The following LAMP2 variants were observed in gnomAD, a reference collection of about 807,000 sequenced individuals.
LAMP2 encodes the protein lysosome-associated membrane glycoprotein 2.
Under a neutral mutation model 25.6 loss-of-function variants are expected in LAMP2, and 4 were observed. The observed-to-expected ratio is 0.16, with a 90% CI of 0.08 to 0.36. The LOEUF is 0.36. Among genes scored for constraint, LAMP2 ranks in the 10% least tolerant of loss-of-function variants. The pLI, the probability that LAMP2 is intolerant of heterozygous loss-of-function variation, is 1.00. For missense variants in LAMP2, 272 were observed against 301.4 expected (o/e 0.90, Z 0.72); for synonymous variants, 108 against 112.7 (o/e 0.96, Z 0.27).
Position 120,437,302 on chromosome X carries a change from C to CATAT in LAMP2, c.1093+4424_1093+4427dup, listed in dbSNP as rs113932840. 4.8e-4 allele frequency: 327 copies of CATAT among 686,298 alleles called. No homozygotes were observed. The East Asian group carries it at 0.014, about 29-fold the overall frequency. The allele number at this position is 686,298 out of a possible 1,213,427, so 56.6% of individuals were successfully genotyped here. The stretch of plus-strand genomic sequence containing the variant: ...GCATGCAACTGCCTATATATGTGTG[C>CATAT]ATATATATATATATGTCTGTGTGTG... On this transcript the variant is annotated intron_variant, in intron 8 of 8. Coordinates refer to ENST00000200639, the MANE Select transcript of LAMP2 (RefSeq NM_002294.3).
chrX:120,434,149 T>C (rs1331257914), intron 8 of LAMP2, among the ~76,000 whole-genome samples: 1 of 112,171 alleles, frequency 8.9e-6, no homozygotes, highest in Admixed American at 9.5e-5. Context: ...TAAAGTATTA[T>C]GCCGTGGGTT....
At chrX:120,456,377 C>T (rs1220820114) in intron 2 of LAMP2, among the ~76,000 whole-genome samples, 1 of 111,160 alleles carries the variant, frequency 9.0e-6, no homozygotes, top group Non-Finnish European at 1.9e-5. Flanking sequence ...AAACACTTTA[C>T]AGAAATACTT....
At chrX:120,443,420 A>G (rs2058582397) in intron 6 of LAMP2, among the ~76,000 whole-genome samples, 1 of 112,198 alleles carries the variant, frequency 8.9e-6, no homozygotes, top group African/African-American at 3.2e-5. Flanking sequence ...GCACTTACTA[A>G]GTGCCCAGCA....
intron 8 of LAMP2, chrX:120,439,322 T>TA (rs2058561181): frequency 8.7e-7 from 1 of 1,152,058 alleles, no homozygotes; most frequent in South Asian, 1.8e-5. Context: ...GTGTAATAAA[T>TA]AATGAGTATA....
intron 1 of LAMP2, among the ~76,000 whole-genome samples, chrX:120,467,659 T>C (rs1239242210): frequency 2.7e-5 from 3 of 112,267 alleles, no homozygotes; most frequent in Non-Finnish European, 5.6e-5. Flanking sequence ...AAGAGACACT[T>C]TAGTCAAAGT....
chrX:120,450,031 G>A (rs1252443056), intron 3 of LAMP2, among the ~76,000 whole-genome samples: 1 of 111,447 alleles, frequency 9.0e-6, no homozygotes, highest in African/African-American at 3.3e-5. Flanking sequence ...CAAGAGAGAT[G>A]GATTAATCAT....
chrX:120,454,956 C>T (rs868784831), intron 3 of LAMP2, among the ~76,000 whole-genome samples: 2 of 67,831 alleles, frequency 2.9e-5, no homozygotes, highest in African/African-American at 1.1e-4. Flanking sequence ...TATATATACA[C>T]ACACACTAGG....
chrX:120,436,612 T>C (rs1387395746), intron 8 of LAMP2: 2 of 741,737 alleles, frequency 2.7e-6, no homozygotes, highest in Non-Finnish European at 3.2e-6. Context: ...AGAAAAAACA[T>C]GGAAAGTATT....
chrX:120,447,019 C>T (rs996680705), intron 5 of LAMP2, among the ~76,000 whole-genome samples: 2 of 112,344 alleles, frequency 1.8e-5, no homozygotes, highest in Admixed American at 9.4e-5. Context: ...TTTCTGCCGG[C>T]CAACACAACA....
chrX:120,430,118 A>C lies in LAMP2; in HGVS notation c.*1205T>G, dbSNP rs2058516845. ...TAATCAGGAAGTTATAGAGACTCTGATCATGCCCCTATATACATACAATGG... is the reference window on the plus strand; with the variant it reads ...TAATCAGGAAGTTATAGAGACTCTGCTCATGCCCCTATATACATACAATGG... On this transcript the variant is annotated 3_prime_UTR_variant, in exon 9 of 9. Coordinates refer to ENST00000200639, the MANE Select transcript of LAMP2 (RefSeq NM_002294.3). 13 of 751,008 alleles carry C rather than the reference A, an allele frequency of 1.7e-5. No homozygotes were observed. The highest frequency in any genetic ancestry group is 2.0e-5 in the Non-Finnish European group (13 of 637,151). 61.9% of individuals were successfully genotyped at this position (751,008 alleles called of 1,213,427 possible).
At chrX:120,469,084 T>C (rs756319325) in intron 1 of LAMP2, 22 bp downstream of exon 1, 2 of 1,205,816 alleles carry the variant, frequency 1.7e-6, no homozygotes, top group African/African-American at 3.5e-5. Flanking sequence ...GACAGACTAA[T>C]CGGGAGGGCC....
At chrX:120,436,169 C>CTCTCTCTCTCTCTG (rs1182470896) in intron 8 of LAMP2, among the ~76,000 whole-genome samples, 3 of 100,925 alleles carry the variant, frequency 3.0e-5, no homozygotes, top group African/African-American at 1.2e-4. Flanking sequence ...CACACACACA[C>CTCTCTCTCTCTCTG]ACTCTCTCTC....
chrX:120,437,352 A>G, intron 8 of LAMP2: 1 of 747,106 alleles, frequency 1.3e-6, no homozygotes, highest in Non-Finnish European at 1.6e-6. Context: ...CAATGTCAAT[A>G]TTTTGGAACC....
At position 120,432,469 on chromosome X, in the gene LAMP2, T is replaced by C. The variant is rs190124212; in HGVS notation, c.1094-1007A>G. Among the ~76,000 whole-genome samples, 19 of 110,148 alleles carry C rather than the reference T, an allele frequency of 1.7e-4. No homozygotes were observed. The East Asian group carries it at 5.2e-3, about 30-fold the overall frequency. ...TTTCAGAAGTTATGGCAGATGGAGG[T>C]AGTAAGGTAGGACATATCTTTATCA... is the stretch of plus-strand genomic sequence containing the variant. On this transcript the variant is annotated intron_variant, in intron 8 of 8. Coordinates refer to ENST00000200639, the MANE Select transcript of LAMP2 (RefSeq NM_002294.3).
At chrX:120,439,236 C>T in intron 8 of LAMP2, 2 of 1,209,351 alleles carry the variant, frequency 1.7e-6, no homozygotes, top group Non-Finnish European at 2.2e-6. Flanking sequence ...GCCTGAAAGA[C>T]CAGCACCAAC....
At position 120,427,675 on chromosome X, in the gene LAMP2, A is replaced by C. The variant is rs752459076; in HGVS notation, c.*3648T>G. 2.7e-5 allele frequency among the ~76,000 whole-genome samples: 3 copies of C among 112,029 alleles called. No individual in the cohort carries two copies. Among genetic ancestry groups the C allele is most frequent in the Non-Finnish European group, 5.6e-5 (3 of 53,142 alleles). ...TTTTGTTTTCAGTGCAGGATAAATGAACCTTCTTAACAAGTTAAGGCTCTG... is the reference window on the plus strand; with the variant it reads ...TTTTGTTTTCAGTGCAGGATAAATGCACCTTCTTAACAAGTTAAGGCTCTG... On this transcript the variant is annotated 3_prime_UTR_variant, in exon 9 of 9. Coordinates refer to ENST00000200639, the MANE Select transcript of LAMP2 (RefSeq NM_002294.3).
intron 1 of LAMP2, among the ~76,000 whole-genome samples, chrX:120,458,633 A>G (rs1170542347): frequency 9.0e-6 from 1 of 110,880 alleles, no homozygotes; most frequent in Non-Finnish European, 1.9e-5. Flanking sequence ...TTTACTCAAT[A>G]TCTCTCACCT....
chrX:120,458,350 A>C lies in LAMP2; in HGVS notation c.65-1581T>G, dbSNP rs145429342. On this transcript the variant is annotated intron_variant, in intron 1 of 8. Coordinates refer to ENST00000200639, the MANE Select transcript of LAMP2 (RefSeq NM_002294.3). ...CAAATATATTAGAATAACAGGAAGA[A>C]GACCATGTAAAATAGTAATAGCATC... Among the ~76,000 whole-genome samples the C allele has an allele frequency of 4.6e-4, 52 of 112,499 alleles. No individual in the cohort carries two copies. In the East Asian group the frequency reaches 0.014, roughly 31 times the overall value.
intron 1 of LAMP2, among the ~76,000 whole-genome samples, chrX:120,463,766 C>A (rs1473432360): frequency 9.5e-6 from 1 of 105,506 alleles, no homozygotes; most frequent in Non-Finnish European, 1.9e-5. Flanking sequence ...TATCTATAAC[C>A]CTATCAGATA....
Sources: gnomAD v4.1 joint callset for allele counts (sites outside exome capture counted in the v4.1 genomes callset) on GRCh38, gnomAD v4.1.1 for gene constraint, MANE v1.5 for transcripts, NCBI Gene and HGNC (gene_info 2026-07-23, HGNC 2026-07-21) for gene names.